Variants in CTNND2 observed in about 807,000 individuals in gnomAD.
The protein encoded by CTNND2 is catenin delta-2.
Under a neutral mutation model 144.4 loss-of-function variants are expected in CTNND2, and 22 were observed. That is an observed-to-expected ratio of 0.15 (90% CI 0.11 to 0.22). CTNND2 has a LOEUF of 0.22. Among genes scored for constraint, CTNND2 ranks in the 10% least tolerant of loss-of-function variants. The pLI is 1.00. For missense variants in CTNND2, 1,353 were observed against 1,618.8 expected (o/e 0.84, Z 2.82); for synonymous variants, 751 against 695.6 (o/e 1.08, Z -1.25).
chr5:11,404,602 C>CTTGTTTTTTTT (rs1760926693), intron 5 of CTNND2, among the ~76,000 whole-genome samples: 2 of 57,368 alleles, frequency 3.5e-5, no homozygotes, highest in South Asian at 1.1e-3. Context: ...TATCTGTATT[C>CTTGTTTTTTTT]TTTTTTTTTT....
At chr5:11,085,741 T>G (rs1285344513) in intron 15 of CTNND2, among the ~76,000 whole-genome samples, 1 of 152,172 alleles carries the variant, frequency 6.6e-6, no homozygotes. Context: ...GGATGCAGTT[T>G]GGAGAGGAAG....
At chr5:11,006,158 C>T (rs1488682207) in intron 18 of CTNND2, among the ~76,000 whole-genome samples, 1 of 152,034 alleles carries the variant, frequency 6.6e-6, no homozygotes, top group Non-Finnish European at 1.5e-5. Flanking sequence ...AGGGTATTGG[C>T]AAAAAAGACT....
chr5:11,470,954 G>GTATATATATATATATATATATA lies in CTNND2; in HGVS notation c.288-58907_288-58886dup, dbSNP rs71595821. Among the ~76,000 whole-genome samples, 153 of 63,144 alleles carry GTATATATATATATATATATATA rather than the reference G, an allele frequency of 2.4e-3. 3 individuals carry two copies. The highest frequency in any genetic ancestry group is 4.7e-3 in the South Asian group (6 of 1,270). 41.4% of individuals were successfully genotyped at this position (63,144 alleles called of 152,430 possible). On this transcript the variant is annotated intron_variant, in intron 3 of 21. Coordinates refer to ENST00000304623, the MANE Select transcript of CTNND2 (RefSeq NM_001332.4). ...TACTTTAGCTATTATTTGATACAAAGTATATATATATATATATATATATAT... is the reference window on the plus strand; with the variant it reads ...TACTTTAGCTATTATTTGATACAAAGTATATATATATATATATATATATATATATATATATATATATATATAT...
At chr5:11,133,215 G>A (rs1301314096) in intron 12 of CTNND2, among the ~76,000 whole-genome samples, 1 of 151,964 alleles carries the variant, frequency 6.6e-6, no homozygotes, top group Non-Finnish European at 1.5e-5. Context: ...TAAAACTTAA[G>A]ATTATTTAGC....
intron 9 of CTNND2, among the ~76,000 whole-genome samples, chr5:11,282,105 G>A (rs541324121): frequency 3.3e-5 from 5 of 152,080 alleles, no homozygotes; most frequent in African/African-American, 7.2e-5. Context: ...ACGGTGGTTC[G>A]CTACCATGGC....
At chr5:11,059,854 A>G (rs1430607588) in intron 16 of CTNND2, among the ~76,000 whole-genome samples, 1 of 152,216 alleles carries the variant, frequency 6.6e-6, no homozygotes, top group East Asian at 1.9e-4. Flanking sequence ...TTTTTGAAAT[A>G]TATGTGTATA....
chr5:11,375,949 C>T (rs1757885399), intron 7 of CTNND2, among the ~76,000 whole-genome samples: 1 of 152,046 alleles, frequency 6.6e-6, no homozygotes, highest in African/African-American at 2.4e-5. Flanking sequence ...AAAGCTAACA[C>T]CCAGTGTGAT....
chr5:11,366,750 G>A (rs1322338884), intron 7 of CTNND2, among the ~76,000 whole-genome samples: 2 of 151,650 alleles, frequency 1.3e-5, no homozygotes, highest in Non-Finnish European at 2.9e-5. Context: ...GGTACATTTA[G>A]AATTGTTACT....
At chr5:11,529,424 G>C (rs766579418) in intron 3 of CTNND2, among the ~76,000 whole-genome samples, 1 of 152,174 alleles carries the variant, frequency 6.6e-6, no homozygotes, top group Non-Finnish European at 1.5e-5. Flanking sequence ...TTCTTCCATA[G>C]TTCATAAACA....
intron 11 of CTNND2, among the ~76,000 whole-genome samples, chr5:11,180,666 A>G (rs534880897): frequency 6.6e-6 from 1 of 152,268 alleles, no homozygotes; most frequent in African/African-American, 2.4e-5. Flanking sequence ...CCTGCTGGGG[A>G]CAGGGTCTGT....
intron 1 of CTNND2, among the ~76,000 whole-genome samples, chr5:11,879,502 A>G (rs1735873052): frequency 6.6e-6 from 1 of 151,644 alleles, no homozygotes; most frequent in African/African-American, 2.4e-5. Flanking sequence ...GGAAATCTCA[A>G]AAACCAGCAA....
At chr5:11,058,643 A>G (rs1463505074) in intron 16 of CTNND2, among the ~76,000 whole-genome samples, 2 of 152,172 alleles carry the variant, frequency 1.3e-5, no homozygotes, top group African/African-American at 2.4e-5. Context: ...CACCTAGCGG[A>G]GCTGTGAGAA....
At chr5:11,526,274 A>T (rs1773238598) in intron 3 of CTNND2, among the ~76,000 whole-genome samples, 1 of 152,180 alleles carries the variant, frequency 6.6e-6, no homozygotes, top group Admixed American at 6.5e-5. Context: ...GAATATTAGA[A>T]GCGTTTTGGT....
At chr5:11,512,466 G>C (rs1771745554) in intron 3 of CTNND2, among the ~76,000 whole-genome samples, 1 of 152,198 alleles carries the variant, frequency 6.6e-6, no homozygotes, top group East Asian at 1.9e-4. Flanking sequence ...GAATTTTCCA[G>C]CACAAATTCC....
chr5:11,581,510 T>C (rs1232401024), intron 2 of CTNND2, among the ~76,000 whole-genome samples: 1 of 152,230 alleles, frequency 6.6e-6, no homozygotes, highest in Non-Finnish European at 1.5e-5. Context: ...GTCTACTATA[T>C]GTCATCAACA....
At chr5:11,890,652 C>T (rs529926577) in intron 1 of CTNND2, among the ~76,000 whole-genome samples, 15 of 152,262 alleles carry the variant, frequency 9.9e-5, no homozygotes, top group Non-Finnish European at 1.3e-4. Flanking sequence ...ATTTTAAAGT[C>T]ATTTTAATGA....
intron 1 of CTNND2, among the ~76,000 whole-genome samples, chr5:11,869,762 T>A (rs1795938748): frequency 6.6e-6 from 1 of 152,238 alleles, no homozygotes; most frequent in Non-Finnish European, 1.5e-5. Flanking sequence ...CAGATCTATT[T>A]TTCAAAAGTA....
At chr5:11,747,137 T>C (rs1788357563) in intron 1 of CTNND2, among the ~76,000 whole-genome samples, 1 of 152,158 alleles carries the variant, frequency 6.6e-6, no homozygotes, top group Non-Finnish European at 1.5e-5. Flanking sequence ...ATTTCTTGCA[T>C]CAACAACCAT....
intron 1 of CTNND2, among the ~76,000 whole-genome samples, chr5:11,843,262 T>A (rs1268822308): frequency 1.3e-5 from 2 of 152,242 alleles, no homozygotes; most frequent in East Asian, 3.8e-4. Flanking sequence ...ACTCTCCTTT[T>A]GCCTCCAGAG....
Sources: gnomAD v4.1 joint callset for allele counts (sites outside exome capture counted in the v4.1 genomes callset) on GRCh38, gnomAD v4.1.1 for gene constraint, MANE v1.5 for transcripts, NCBI Gene and HGNC (gene_info 2026-07-23, HGNC 2026-07-21) for gene names.